The following CALD1 variants were observed in gnomAD, a reference collection of about 807,000 sequenced individuals.
CALD1 encodes the protein caldesmon.
Under a neutral mutation model 99.9 loss-of-function variants are expected in CALD1, and 33 were observed. That is an observed-to-expected ratio of 0.33 (90% confidence interval 0.25 to 0.44). CALD1 has a LOEUF of 0.44. Ranked by LOEUF, CALD1 falls within the 20% of genes least tolerant of loss-of-function variation. CALD1 has a pLI of 1.00. For synonymous variants in CALD1, 310 were observed against 325.0 expected (o/e 0.95, Z 0.50); for missense variants, 861 against 962.1 (o/e 0.89, Z 1.39).
At chr7:134,968,062 A>C (rs2133308727) in intron 14 of CALD1, among the ~76,000 whole-genome samples, 1 of 152,178 alleles carries the variant, frequency 6.6e-6, no homozygotes, top group Non-Finnish European at 1.5e-5. Flanking sequence ...TGGGAGAATC[A>C]CTTGAATCTG....
intron 1 of CALD1, among the ~76,000 whole-genome samples, chr7:134,771,000 A>C (rs548392929): frequency 4.5e-4 from 68 of 152,340 alleles, no homozygotes; most frequent in African/African-American, 1.6e-3. Flanking sequence ...TTGAAAAGTT[A>C]AATAATACTA....
At chr7:134,900,270 A>G (rs530413667) in intron 3 of CALD1, among the ~76,000 whole-genome samples, 1 of 152,272 alleles carries the variant, frequency 6.6e-6, no homozygotes, top group African/African-American at 2.4e-5. Context: ...AGCTGATTTC[A>G]TGACTGCTGT....
At chr7:134,909,966 G>T (rs1033285722) in intron 3 of CALD1, among the ~76,000 whole-genome samples, 1 of 152,018 alleles carries the variant, frequency 6.6e-6, no homozygotes, top group South Asian at 2.1e-4. Context: ...GAGCACAAAG[G>T]GACATTGGAC....
chr7:134,870,663 T>C (rs1801027449), intron 3 of CALD1, among the ~76,000 whole-genome samples: 1 of 146,236 alleles, frequency 6.8e-6, no homozygotes, highest in Non-Finnish European at 1.5e-5. Flanking sequence ...TATATTGTTT[T>C]CTTTTCTGTT....
chr7:134,842,157 G>A (rs1207205466), intron 1 of CALD1, among the ~76,000 whole-genome samples: 1 of 152,192 alleles, frequency 6.6e-6, no homozygotes, highest in Non-Finnish European at 1.5e-5. Flanking sequence ...TCCTGAAGCA[G>A]AGGACTCACT....
At chr7:134,722,547 G>A in the CALD1 span, among the ~76,000 whole-genome samples, 5 of 151,974 alleles carry the variant, frequency 3.3e-5, no homozygotes, top group African/African-American at 7.2e-5. Context: ...CAGCCTCCCC[G>A]AGTAGCTAGG....
intron 1 of CALD1, among the ~76,000 whole-genome samples, chr7:134,763,859 A>C (rs1418651681): frequency 6.7e-6 from 1 of 149,436 alleles, no homozygotes; most frequent in Non-Finnish European, 1.5e-5. Flanking sequence ...CAGAGTTTGC[A>C]GTGAGCCGAG....
At chr7:134,798,214 A>G (rs1308896175) in intron 1 of CALD1, among the ~76,000 whole-genome samples, 1 of 152,224 alleles carries the variant, frequency 6.6e-6, no homozygotes, top group African/African-American at 2.4e-5. Context: ...GGTTTAAGCT[A>G]ACTCTTTTCT....
chr7:134,967,754 A>G (rs1007801310), intron 14 of CALD1, among the ~76,000 whole-genome samples: 4 of 152,192 alleles, frequency 2.6e-5, no homozygotes, highest in African/African-American at 9.7e-5. Context: ...TCTAAATGCT[A>G]TAAGCAAGGC....
intron 1 of CALD1, among the ~76,000 whole-genome samples, chr7:134,748,867 G>A (rs1440340981): frequency 6.6e-6 from 1 of 152,182 alleles, no homozygotes; most frequent in African/African-American, 2.4e-5. Context: ...GCCTCTGGGA[G>A]GTGATTAGGT....
At chr7:134,818,879 T>C (rs1271127419) in intron 1 of CALD1, among the ~76,000 whole-genome samples, 2 of 152,124 alleles carry the variant, frequency 1.3e-5, no homozygotes, top group Admixed American at 6.5e-5. Flanking sequence ...GTGGCAGTAG[T>C]TCACATGCCA....
chr7:134,786,596 A>AT (rs888127626), intron 1 of CALD1, among the ~76,000 whole-genome samples: 11 of 150,990 alleles, frequency 7.3e-5, no homozygotes, highest in Admixed American at 2.0e-4. Flanking sequence ...AGGAACCTCT[A>AT]TTTTTTTTTC....
intron 3 of CALD1, among the ~76,000 whole-genome samples, chr7:134,914,327 T>C (rs1804045379): frequency 6.6e-6 from 1 of 152,218 alleles, no homozygotes; most frequent in African/African-American, 2.4e-5. Flanking sequence ...TAAATGATTG[T>C]AGGACTTGCT....
intron 1 of CALD1, among the ~76,000 whole-genome samples, chr7:134,750,755 TG>T (rs983109238): frequency 4.9e-4 from 40 of 81,766 alleles, no homozygotes; most frequent in African/African-American, 1.9e-3. Context: ...ACTTCTATAT[TG>T]TTTTTTTTTC....
chr7:134,834,423 T>G (rs1215755163), intron 1 of CALD1, among the ~76,000 whole-genome samples: 1 of 152,190 alleles, frequency 6.6e-6, no homozygotes, highest in Non-Finnish European at 1.5e-5. Context: ...AATAACCAGC[T>G]CCTGCTAAAT....
At chr7:134,897,276 T>G (rs1802641351) in intron 3 of CALD1, among the ~76,000 whole-genome samples, 1 of 151,372 alleles carries the variant, frequency 6.6e-6, no homozygotes, top group Admixed American at 6.6e-5. Flanking sequence ...CCCACCCAGC[T>G]TAGCATTATC....
Position 134,891,327 on chromosome 7 carries a change from AC to A in CALD1, c.71+23524del, listed in dbSNP as rs1802152807. The A allele has an allele frequency of 4.4e-6, 5 of 1,140,208 alleles. No individual in the cohort carries two copies. The South Asian group carries it at 1.3e-4, about 30-fold the overall frequency. The allele number at this position is 1,140,208 out of a possible 1,614,324, so 70.6% of individuals were successfully genotyped here. ...GCAATCAGTGCTCTCTGATCGCTAA[AC>A]ATGATGGGCTTCTATTAGAGAGATT... On this transcript the variant is annotated intron_variant, in intron 3 of 14. Coordinates refer to ENST00000361675, the MANE Select transcript of CALD1 (RefSeq NM_033138.4).
chr7:134,780,273 C>T (rs746649828), intron 1 of CALD1, among the ~76,000 whole-genome samples: 55 of 152,244 alleles, frequency 3.6e-4, no homozygotes, highest in Non-Finnish European at 6.9e-4. Flanking sequence ...ACTAGACTTC[C>T]AGAGTTGCAA....
intron 3 of CALD1, among the ~76,000 whole-genome samples, chr7:134,921,233 C>T (rs774484264): frequency 3.9e-5 from 6 of 152,182 alleles, no homozygotes; most frequent in Non-Finnish European, 8.8e-5. Context: ...CTTATATGCA[C>T]TGGTTTATAA....
Sources: allele counts gnomAD v4.1 joint callset (sites outside exome capture counted in the v4.1 genomes callset), GRCh38; gene constraint gnomAD v4.1.1; transcripts MANE v1.5; gene names NCBI Gene and HGNC (gene_info 2026-07-23, HGNC 2026-07-21).